Variants in SLC60A2 observed in about 807,000 individuals in gnomAD.
The protein encoded by SLC60A2 is solute carrier family 60 member 2.
At chr6:111,276,519 C>A in the SLC60A2 span, among the ~76,000 whole-genome samples, 1 of 152,226 alleles carries the variant, frequency 6.6e-6, no homozygotes, top group Admixed American at 6.5e-5. Context: ...TGTTGGGCAA[C>A]TACCTCAAAG....
chr6:111,260,515 G>T, the SLC60A2 span, among the ~76,000 whole-genome samples: 1 of 152,174 alleles, frequency 6.6e-6, no homozygotes, highest in Admixed American at 6.5e-5. Context: ...CCAACCTTTA[G>T]ATTCTTAAAT....
chr6:111,272,169 A>T, the SLC60A2 span, among the ~76,000 whole-genome samples: 1 of 152,020 alleles, frequency 6.6e-6, no homozygotes, highest in South Asian at 2.1e-4. Flanking sequence ...TGCCTGGCTA[A>T]TTTTTGTATT....
At chr6:111,267,807 C>T in the SLC60A2 span, 1 of 152,182 alleles carries the variant, frequency 6.6e-6, no homozygotes, top group African/African-American at 2.4e-5. Context: ...TGGGCGACAT[C>T]TAGACTCCGT....
the SLC60A2 span, chr6:111,277,987 T>A: frequency 6.6e-6 from 1 of 152,194 alleles, no homozygotes; most frequent in Non-Finnish European, 1.5e-5. Context: ...GCTCTTTCCC[T>A]TATCACTTGC....
At chr6:111,279,393 C>T in the SLC60A2 span, among the ~76,000 whole-genome samples, 5 of 151,984 alleles carry the variant, frequency 3.3e-5, no homozygotes, top group African/African-American at 4.8e-5. Flanking sequence ...GGACTACAGG[C>T]GCCCACCACT....
chr6:111,278,490 A>G, the SLC60A2 span: 3 of 152,186 alleles, frequency 2.0e-5, no homozygotes, highest in Non-Finnish European at 2.9e-5. Context: ...TTGAATTCCC[A>G]TGTGTTGTTG....
the SLC60A2 span, among the ~76,000 whole-genome samples, chr6:111,261,592 T>G: frequency 6.6e-6 from 1 of 152,074 alleles, no homozygotes; most frequent in Admixed American, 6.6e-5. Flanking sequence ...CTTAATTTAA[T>G]TAATTAATTT....
chr6:111,273,183 C>G, the SLC60A2 span, among the ~76,000 whole-genome samples: 1 of 151,942 alleles, frequency 6.6e-6, no homozygotes, highest in Non-Finnish European at 1.5e-5. Flanking sequence ...TAGGGTCTTG[C>G]TCTGTTGCTC....
chr6:111,266,241 C>T, the SLC60A2 span: 1 of 1,614,128 alleles, frequency 6.2e-7, no homozygotes, highest in Non-Finnish European at 8.5e-7. Flanking sequence ...AGCAAAATAT[C>T]ACAACGCCCT....
the SLC60A2 span, among the ~76,000 whole-genome samples, chr6:111,272,057 A>G: frequency 6.6e-6 from 1 of 152,134 alleles, no homozygotes; most frequent in Non-Finnish European, 1.5e-5. Context: ...TTTATTTTTT[A>G]AGTGGCCTGA....
chr6:111,266,315 T>G, the SLC60A2 span: 1 of 1,614,108 alleles, frequency 6.2e-7, no homozygotes, highest in Non-Finnish European at 8.5e-7. Flanking sequence ...ATGGCTCTTA[T>G]GTTTTCTCAT....
chr6:111,263,172 A>T, the SLC60A2 span, among the ~76,000 whole-genome samples: 2 of 152,082 alleles, frequency 1.3e-5, no homozygotes, highest in Non-Finnish European at 2.9e-5. Flanking sequence ...TCCTGAGCTC[A>T]AAGGATCAGC....
the SLC60A2 span, chr6:111,263,992 G>C: frequency 2.0e-5 from 20 of 989,280 alleles, no homozygotes; most frequent in African/African-American, 3.2e-5. Context: ...GGACTTGCTA[G>C]AAGAAGTACA....
chr6:111,277,289 A>G, the SLC60A2 span, among the ~76,000 whole-genome samples: 1 of 152,228 alleles, frequency 6.6e-6, no homozygotes, highest in African/African-American at 2.4e-5. Flanking sequence ...AAATCACACC[A>G]AATTGCAGAC....
At chr6:111,271,775 TAAAAAAAAAAA>T in the SLC60A2 span, among the ~76,000 whole-genome samples, 101 of 18,850 alleles carry the variant, frequency 5.4e-3, 2 homozygotes, top group Non-Finnish European at 7.8e-3. Flanking sequence ...CCATCTCTAC[TAAAAAAAAAAA>T]AAAAAAAAAA....
the SLC60A2 span, chr6:111,265,758 T>C: frequency 6.5e-6 from 5 of 770,330 alleles, no homozygotes; most frequent in African/African-American, 8.8e-5. Flanking sequence ...ATAATTAGAA[T>C]ATTATAATGC....
the SLC60A2 span, chr6:111,266,370 T>C: frequency 1.2e-6 from 2 of 1,614,044 alleles, no homozygotes; most frequent in African/African-American, 2.7e-5. Flanking sequence ...AGCTGCTGGG[T>C]TGAACTCCAT....
At chr6:111,267,214 G>A in the SLC60A2 span, 1 of 1,290,042 alleles carries the variant, frequency 7.8e-7, no homozygotes, top group Non-Finnish European at 1.1e-6. Flanking sequence ...CATGCTTTGG[G>A]GATTAAAATT....
the SLC60A2 span, chr6:111,265,812 C>CTTTTTTT: frequency 8.0e-7 from 1 of 1,257,678 alleles, no homozygotes; most frequent in Non-Finnish European, 1.1e-6. Context: ...GATAAGTGAA[C>CTTTTTTT]TTTTTTTTTT....
Sources: allele counts gnomAD v4.1 joint callset (sites outside exome capture counted in the v4.1 genomes callset), GRCh38; gene constraint gnomAD v4.1.1; transcripts MANE v1.5; gene names NCBI Gene and HGNC (gene_info 2026-07-23, HGNC 2026-07-21).